PLEKHA7: variants seen among roughly 807,000 people sequenced by gnomAD.
PLEKHA7 encodes the protein pleckstrin homology domain-containing family A member 7.
PLEKHA7 carries 104 observed loss-of-function variants against 170.0 expected under a neutral mutation model. The observed-to-expected ratio is 0.61, with a 90% CI of 0.52 to 0.72. The LOEUF is 0.72. PLEKHA7 is among the 30% of genes least tolerant of loss of function. The pLI, the probability that PLEKHA7 is intolerant of heterozygous loss-of-function variation, is 0.00. For synonymous variants in PLEKHA7, 648 were observed against 660.8 expected (o/e 0.98, Z 0.30); for missense variants, 1,615 against 1,671.7 (o/e 0.97, Z 0.59).
rs1854808802 is a variant in PLEKHA7 at position 16,871,155 on chromosome 11, C to A, written c.249G>T (p.Arg83Ser). The A allele has an allele frequency of 4.3e-6, 7 of 1,609,750 alleles. No homozygotes were observed. The highest frequency in any genetic ancestry group is 6.0e-6 in the Non-Finnish European group (7 of 1,176,252). ...GAGAAAACTGTCCCGTCACAGGATG[C>A]CTGAATGCTGTGGTCTGCTGGTTAT... is the stretch of plus-strand genomic sequence containing the variant. Reference protein sequence around the residue: ...IDHNQQTTAFRHPVTGQFSPE... With the variant: ...IDHNQQTTAFSHPVTGQFSPE... The change falls in exon 4 of 27, where the codon AGG becomes AGT. Residue 83 changes from arginine to serine, a missense_variant. Transcript: ENST00000531066.
intron 3 of PLEKHA7, among the ~76,000 whole-genome samples, chr11:16,919,341 C>G (rs1437666392): frequency 6.6e-6 from 1 of 152,094 alleles, no homozygotes. Context: ...TTCTGTATGC[C>G]CAGGTCACTT....
intron 3 of PLEKHA7, among the ~76,000 whole-genome samples, chr11:16,907,296 C>T (rs1278094376): frequency 2.9e-5 from 4 of 135,672 alleles, no homozygotes; most frequent in East Asian, 2.4e-4. Context: ...CCGCCCCATC[C>T]GGGAGGTGAG....
intron 3 of PLEKHA7, among the ~76,000 whole-genome samples, chr11:16,925,546 C>T (rs1337132535): frequency 1.3e-5 from 2 of 152,182 alleles, no homozygotes; most frequent in Non-Finnish European, 2.9e-5. Flanking sequence ...CCCTTGGTCG[C>T]TCCTGCCAGA....
rs1223187037 is a variant in PLEKHA7, at chr11:16,778,720, A to G, written c.*278T>C. The G allele has an allele frequency of 2.0e-6, 1 of 505,976 alleles. No homozygotes were observed. Among genetic ancestry groups the G allele is most frequent in the African/African-American group, 1.9e-5 (1 of 51,914 alleles). The allele number at this position is 505,976 out of a possible 1,614,324, so 31.3% of individuals were successfully genotyped here. Reference sequence around the variant, plus strand: ...TCCTGCCACTCAGCCCTTGAGGGGAACATTAGAAAATAGATTCCGATTCTA... The same window carrying G: ...TCCTGCCACTCAGCCCTTGAGGGGAGCATTAGAAAATAGATTCCGATTCTA... On this transcript the variant is annotated 3_prime_UTR_variant, in exon 27 of 27. Coordinates refer to ENST00000531066, the MANE Select transcript of PLEKHA7 (RefSeq NM_001329630.2).
intron 3 of PLEKHA7, among the ~76,000 whole-genome samples, chr11:17,012,276 G>A (rs191465945): frequency 2.3e-4 from 35 of 151,420 alleles, no homozygotes; most frequent in Admixed American, 8.5e-4. Context: ...AAAGCTTTGC[G>A]GCATTTACCT....
At chr11:16,810,372 G>A (rs1849284951) in intron 13 of PLEKHA7, among the ~76,000 whole-genome samples, 1 of 152,194 alleles carries the variant, frequency 6.6e-6, no homozygotes, top group East Asian at 1.9e-4. Context: ...CTCCTGATCT[G>A]GGCCTGCCCC....
chr11:16,927,864 G>A (rs373387255), intron 3 of PLEKHA7, among the ~76,000 whole-genome samples: 1 of 152,246 alleles, frequency 6.6e-6, no homozygotes, highest in East Asian at 1.9e-4. Context: ...ACAGGAAATT[G>A]GTTAATAAAC....
chr11:16,936,358 T>C (rs914003275), intron 3 of PLEKHA7, among the ~76,000 whole-genome samples: 8 of 139,528 alleles, frequency 5.7e-5, no homozygotes, highest in Admixed American at 3.8e-4. Context: ...GCCGAGCTTA[T>C]GCTATTGTAC....
intron 3 of PLEKHA7, among the ~76,000 whole-genome samples, chr11:16,949,794 C>T (rs1861287595): frequency 6.6e-6 from 1 of 151,948 alleles, no homozygotes; most frequent in African/African-American, 2.4e-5. Context: ...CAAATGCTGT[C>T]AGAGCATGGA....
chr11:16,994,517 G>A lies in PLEKHA7; in HGVS notation c.221+19472C>T, dbSNP rs12274164. Among the ~76,000 whole-genome samples the A allele has an allele frequency of 6.6e-3, 999 of 152,236 alleles. 5 individuals carry two copies. Among genetic ancestry groups the A allele is most frequent in the Non-Finnish European group, 0.011 (729 of 68,000 alleles). On this transcript the variant is annotated intron_variant, in intron 3 of 26. Transcript: ENST00000531066. ...AGCCCCACCCCTGCGGACATAGGTGGGGGCTGGAGTCTGAGTGAACACCAA... is the reference window on the plus strand; with the variant it reads ...AGCCCCACCCCTGCGGACATAGGTGAGGGCTGGAGTCTGAGTGAACACCAA...
Position 16,826,331 on chromosome 11 carries a change from G to A in PLEKHA7, c.1132C>T (p.Pro378Ser), listed in dbSNP as rs761206625. The A allele has an allele frequency of 6.2e-6, 10 of 1,614,112 alleles. No homozygotes were observed. Among genetic ancestry groups the A allele is most frequent in the Admixed American group, 5.0e-5 (3 of 60,012 alleles). ...AEEDALFMDL[P>S]TGPRGQQAQP... ...GCCTGCTGGCCTCTTGGGCCAGTGG[G>A]TAAATCCATAAACAAGGCATCCTCC... The change falls in exon 10 of 27, where the codon CCC becomes TCC. Residue 378 changes from proline to serine, a missense_variant. By Grantham distance (74) the Pro-to-Ser change is moderately conservative. Transcript: ENST00000531066.
Position 16,791,242 on chromosome 11 carries a change from C to T in PLEKHA7, c.2746-43G>A. On this transcript the variant is annotated intron_variant, in intron 19 of 26. Transcript: ENST00000531066. This position sits in a 1 kb window ranked among gnomAD's most constrained non-coding sequence, Gnocchi z 4.5. ...CAGACCAGTGGTCAGCGAGACGGAGCTGGAGGGAGGACTGCTAGGTACTGC... is the reference window on the plus strand; with the variant it reads ...CAGACCAGTGGTCAGCGAGACGGAGTTGGAGGGAGGACTGCTAGGTACTGC... 6.5e-7 allele frequency: 1 copy of T among 1,531,154 alleles called. No homozygotes were observed. Among genetic ancestry groups the T allele is most frequent in the Non-Finnish European group, 8.8e-7 (1 of 1,135,012 alleles). The allele number at this position is 1,531,154 out of a possible 1,614,324, so 94.8% of individuals were successfully genotyped here.
At chr11:17,007,539 G>A (rs1199513806) in intron 3 of PLEKHA7, among the ~76,000 whole-genome samples, 2 of 145,418 alleles carry the variant, frequency 1.4e-5, no homozygotes, top group African/African-American at 5.1e-5. Flanking sequence ...AACTACAGAA[G>A]AACAAAATTT....
chr11:16,794,854 T>G, intron 18 of PLEKHA7, 56 bp downstream of exon 18: 2 of 833,186 alleles, frequency 2.4e-6, no homozygotes, highest in Non-Finnish European at 3.7e-6. Context: ...CCTTCCACCC[T>G]CCCACCACCC....
intron 3 of PLEKHA7, among the ~76,000 whole-genome samples, chr11:16,871,780 AC>A (rs1854873189): frequency 6.6e-6 from 1 of 152,174 alleles, no homozygotes; most frequent in South Asian, 2.1e-4. Flanking sequence ...ATCAGCTTCC[AC>A]ACCAAGCTGA....
intron 3 of PLEKHA7, among the ~76,000 whole-genome samples, chr11:16,892,272 A>G (rs1255826016): frequency 1.3e-5 from 2 of 152,218 alleles, no homozygotes; most frequent in Non-Finnish European, 2.9e-5. Flanking sequence ...GATCCTGAGC[A>G]TGAAGAAATA....
chr11:16,844,938 G>A (rs1031002556), intron 8 of PLEKHA7, among the ~76,000 whole-genome samples: 2 of 152,250 alleles, frequency 1.3e-5, no homozygotes, highest in Non-Finnish European at 2.9e-5. Context: ...CAAAGTTGGA[G>A]GGACAGCCTT....
chr11:16,812,624 G>A (rs1443157049), intron 13 of PLEKHA7: 1 of 152,538 alleles, frequency 6.6e-6, no homozygotes, highest in African/African-American at 2.4e-5. Flanking sequence ...ATCACCTACA[G>A]GGAGGGGCCC....
intron 3 of PLEKHA7, among the ~76,000 whole-genome samples, chr11:16,974,249 A>G (rs2136753678): frequency 6.6e-6 from 1 of 151,580 alleles, no homozygotes; most frequent in African/African-American, 2.4e-5. Flanking sequence ...CCTGGGTGAC[A>G]AAGGGAGACC....
Sources: gnomAD v4.1 joint callset for allele counts (sites outside exome capture counted in the v4.1 genomes callset) on GRCh38, gnomAD v4.1.1 for gene constraint, Gnocchi (gnomAD v3.1) non-coding constraint, MANE v1.5 for transcripts, NCBI Gene and HGNC (gene_info 2026-07-23, HGNC 2026-07-21) for gene names.